The following EFL1 variants were observed in gnomAD, a reference collection of about 807,000 sequenced individuals.
EFL1 encodes the protein elongation factor-like GTPase 1.
Under a neutral mutation model 126.7 loss-of-function variants are expected in EFL1, and 76 were observed. The ratio of observed to expected loss-of-function variants is 0.60; its 90% CI spans 0.50 to 0.73. The LOEUF is 0.73. EFL1 is among the 30% of genes least tolerant of loss of function. The probability of loss-of-function intolerance (pLI) is 0.00; values close to 1 mark genes in which losing one functional copy is unlikely to be tolerated. For missense variants in EFL1, 1,128 were observed against 1,343.2 expected, an observed-to-expected ratio of 0.84 and a Z score of 2.50; for synonymous variants, 410 against 448.4, an observed-to-expected ratio of 0.91 and a Z score of 1.08.
chr15:82,257,707 C>A (rs2075078198), intron 3 of EFL1, among the ~76,000 whole-genome samples: 1 of 152,068 alleles, frequency 6.6e-6, no homozygotes, highest in Non-Finnish European at 1.5e-5. Flanking sequence ...TGGTGTGATA[C>A]CTTTGTTACA....
Position 82,240,275 on chromosome 15 carries a change from C to T in EFL1, c.516+143G>A, listed in dbSNP as rs557732537. On this transcript the variant is annotated intron_variant, in intron 6 of 19. Coordinates refer to ENST00000268206, the MANE Select transcript of EFL1 (RefSeq NM_024580.6). ...ACTGAGAACATGCTTTTTCTATTGC[C>T]TCTCTTGTAGAATAACAGCAACACG... 506 of 743,354 alleles carry T rather than the reference C, an allele frequency of 6.8e-4. 1 individual carries two copies. Among genetic ancestry groups the T allele is most frequent in the Non-Finnish European group, 9.5e-4 (449 of 470,834 alleles). 46.0% of individuals were successfully genotyped at this position (743,354 alleles called of 1,614,324 possible). A position where few individuals can be genotyped will look rare whatever the true frequency, so the allele number is the denominator to read the frequency against.
At chr15:82,190,048 C>T (rs776060569) in intron 15 of EFL1, among the ~76,000 whole-genome samples, 17 of 148,854 alleles carry the variant, frequency 1.1e-4, no homozygotes, top group African/African-American at 1.5e-4. Flanking sequence ...ACCCGGGAGG[C>T]GGAGGTTGCA....
At chr15:82,163,137 G>A (rs77093843) in intron 16 of EFL1, among the ~76,000 whole-genome samples, 29,975 of 152,182 alleles carry the variant, frequency 0.2, 3,216 homozygotes, top group South Asian at 0.39. Flanking sequence ...CTAAACAGAC[G>A]GGAAATTCTC....
At chr15:82,137,070 A>C (rs1437030817) in intron 19 of EFL1, among the ~76,000 whole-genome samples, 1 of 151,798 alleles carries the variant, frequency 6.6e-6, no homozygotes, top group Admixed American at 6.6e-5. Context: ...GCTCTGGGCT[A>C]GCAACTTCAC....
At chr15:82,208,500 A>C (rs1355699952) in intron 15 of EFL1, among the ~76,000 whole-genome samples, 4 of 152,192 alleles carry the variant, frequency 2.6e-5, no homozygotes, top group Non-Finnish European at 5.9e-5. Context: ...GGGTAAAAAA[A>C]CGAAAGCTTC....
At position 82,221,766 on chromosome 15, in the gene EFL1, C is replaced by A. The variant is rs370191931; in HGVS notation, c.1293-1537G>T. On this transcript the variant is annotated intron_variant, in intron 12 of 19. Coordinates refer to ENST00000268206, the MANE Select transcript of EFL1 (RefSeq NM_024580.6). The stretch of plus-strand genomic sequence containing the variant: ...CCACACTACCACTGCAAGAGACAAG[C>A]TCCTCATTATAGGAAGCTCTAAATG... Among the ~76,000 whole-genome samples the A allele has an allele frequency of 1.8e-4, 27 of 152,358 alleles. No individual in the cohort carries two copies. The South Asian group carries it at 5.4e-3, about 30-fold the overall frequency.
Position 82,172,840 on chromosome 15 carries a change from C to T in EFL1, c.1751-8856G>A, listed in dbSNP as rs184209214. 1.7e-3 allele frequency among the ~76,000 whole-genome samples: 258 copies of T among 152,242 alleles called. 1 individual carries two copies. The highest frequency in any genetic ancestry group is 3.5e-3 in the Admixed American group (54 of 15,292). On this transcript the variant is annotated intron_variant, in intron 15 of 19. Transcript: ENST00000268206. ...GTAGTCAAACTGGAACATTTATATACTAAAATGCATGTTATTTTATTGTAA... is the reference window on the plus strand; with the variant it reads ...GTAGTCAAACTGGAACATTTATATATTAAAATGCATGTTATTTTATTGTAA...
chr15:82,138,859 CT>C lies in EFL1; in HGVS notation c.2990-18del. 1 of 1,606,916 alleles carries C rather than the reference CT, an allele frequency of 6.2e-7. No homozygotes were observed. The highest frequency in any genetic ancestry group is 1.1e-5 in the South Asian group (1 of 90,326). On this transcript the variant is annotated intron_variant, in intron 18 of 19. Coordinates refer to ENST00000268206, the MANE Select transcript of EFL1 (RefSeq NM_024580.6). ...AGACTCGACCTGTAAAACCATAAAT[CT>C]TTTAAAATCATGGATCAATCATATG...
At chr15:82,182,683 G>A (rs2074263987) in intron 15 of EFL1, among the ~76,000 whole-genome samples, 2 of 151,998 alleles carry the variant, frequency 1.3e-5, no homozygotes, top group Non-Finnish European at 2.9e-5. Context: ...AAATTAGCCG[G>A]GCGTGGTGGT....
Position 82,261,792 on chromosome 15 carries a change from C to T in EFL1, c.-14G>A, listed in dbSNP as rs1206412490. ...GTTGAGCACCATGATTACTTATTTC[C>T]TGTGACTAAAAATTAAATATGTATT... On this transcript the variant is annotated 5_prime_UTR_variant, in exon 2 of 20. Coordinates refer to ENST00000268206, the MANE Select transcript of EFL1 (RefSeq NM_024580.6). 7 of 1,610,388 alleles carry T rather than the reference C, an allele frequency of 4.3e-6. No homozygotes were observed. The highest frequency in any genetic ancestry group is 5.9e-6 in the Non-Finnish European group (7 of 1,178,574).
chr15:82,173,355 C>T (rs1389393898), intron 15 of EFL1, among the ~76,000 whole-genome samples: 1 of 152,126 alleles, frequency 6.6e-6, no homozygotes, highest in East Asian at 1.9e-4. Context: ...GACAAACTTA[C>T]ACAGCAAGTT....
intron 3 of EFL1, among the ~76,000 whole-genome samples, chr15:82,255,128 A>C (rs2075056033): frequency 6.6e-6 from 1 of 152,236 alleles, no homozygotes. Flanking sequence ...ACTGATCCAC[A>C]GTGGAATAGT....
chr15:82,260,404 A>AC (rs1290636836), intron 2 of EFL1, among the ~76,000 whole-genome samples: 3 of 152,138 alleles, frequency 2.0e-5, no homozygotes, highest in Non-Finnish European at 2.9e-5. Context: ...TTCCATACTC[A>AC]CATTACTTCA....
intron 17 of EFL1, among the ~76,000 whole-genome samples, chr15:82,155,632 C>T (rs2073959785): frequency 6.6e-6 from 1 of 152,358 alleles, no homozygotes; most frequent in South Asian, 2.1e-4. Context: ...GTGCCTATCT[C>T]CCATCTTAGC....
chr15:82,180,827 A>AG (rs1411741752), intron 15 of EFL1, among the ~76,000 whole-genome samples: 1 of 151,736 alleles, frequency 6.6e-6, no homozygotes, highest in Non-Finnish European at 1.5e-5. Flanking sequence ...TCCCAGGCTC[A>AG]GGGGGGCCCT....
chr15:82,227,703 A>G (rs1206780738), intron 10 of EFL1, 131 bp from the exon 11 acceptor site: 1 of 1,203,178 alleles, frequency 8.3e-7, no homozygotes, highest in Non-Finnish European at 1.2e-6. Context: ...ACAAGGCAAC[A>G]CTGCTTTATG....
chr15:82,210,052 A>G lies in EFL1; in HGVS notation c.1750+4665T>C, dbSNP rs2074567913. On this transcript the variant is annotated intron_variant, in intron 15 of 19. Coordinates refer to ENST00000268206, the MANE Select transcript of EFL1 (RefSeq NM_024580.6). ...TATTTTCTTATTAAATAGGAATTAC[A>G]ACTTTTTCTCAAAGTTTAACAAAAG... Among the ~76,000 whole-genome samples, 2 of 152,236 alleles carry G rather than the reference A, an allele frequency of 1.3e-5. 1 individual carries two copies. Among genetic ancestry groups the G allele is most frequent in the South Asian group, 4.1e-4 (2 of 4,820 alleles).
At chr15:82,227,669 G>A in intron 10 of EFL1, 97 bp from the exon 11 acceptor site, 2 of 1,534,376 alleles carry the variant, frequency 1.3e-6, no homozygotes, top group Non-Finnish European at 1.8e-6. Flanking sequence ...AACAAAGTCT[G>A]TCCATACAGA....
At chr15:82,148,133 A>G (rs1381406876) in intron 18 of EFL1, among the ~76,000 whole-genome samples, 1 of 152,124 alleles carries the variant, frequency 6.6e-6, no homozygotes, top group Non-Finnish European at 1.5e-5. Flanking sequence ...TAATCCCAGC[A>G]CTTTGGGAGG....
Sources: allele counts gnomAD v4.1 joint callset (sites outside exome capture counted in the v4.1 genomes callset), GRCh38; gene constraint gnomAD v4.1.1; transcripts MANE v1.5; gene names NCBI Gene and HGNC (gene_info 2026-07-23, HGNC 2026-07-21).